The following RIMS2 variants were observed in gnomAD, a reference collection of about 807,000 sequenced individuals.
The protein encoded by RIMS2 is regulating synaptic membrane exocytosis 2.
A neutral mutation model predicts 174.4 loss-of-function variants in RIMS2; 59 were observed. The observed-to-expected ratio is 0.34, with a 90% CI of 0.27 to 0.42. The LOEUF is 0.42. RIMS2 is among the 10% of genes least tolerant of loss of function. The pLI, the probability that RIMS2 is intolerant of heterozygous loss-of-function variation, is 1.00. For missense variants in RIMS2, 1,620 were observed against 1,666.3 expected (o/e 0.97, Z 0.48); for synonymous variants, 606 against 572.5 (o/e 1.06, Z -0.84).
chr8:103,728,038 T>C (rs537556562), intron 2 of RIMS2, among the ~76,000 whole-genome samples: 1 of 152,244 alleles, frequency 6.6e-6, no homozygotes, highest in Admixed American at 6.5e-5. Context: ...GTATGGACAC[T>C]TTAACAATAC....
intron 1 of RIMS2, among the ~76,000 whole-genome samples, chr8:103,526,731 A>G (rs143138155): frequency 1.4e-3 from 215 of 152,328 alleles, no homozygotes; most frequent in African/African-American, 4.9e-3. Context: ...AATATGTGTA[A>G]TAAAGCACAG....
intron 17 of RIMS2, among the ~76,000 whole-genome samples, chr8:104,008,840 G>C (rs1565821496): frequency 6.6e-6 from 1 of 151,912 alleles, no homozygotes; most frequent in South Asian, 2.1e-4. Context: ...CTAACATAGA[G>C]TCTTTACATC....
chr8:103,879,273 T>C (rs1206005114), intron 3 of RIMS2, among the ~76,000 whole-genome samples: 1 of 151,316 alleles, frequency 6.6e-6, no homozygotes, highest in Non-Finnish European at 1.5e-5. Context: ...AGAGTGTGCA[T>C]TACAGTTGGA....
intron 4 of RIMS2, among the ~76,000 whole-genome samples, chr8:103,904,891 T>C (rs947040827): frequency 3.3e-5 from 5 of 152,056 alleles, no homozygotes; most frequent in Non-Finnish European, 7.4e-5. Context: ...TGAGCTAGAA[T>C]GTTTAAGTGT....
intron 1 of RIMS2, among the ~76,000 whole-genome samples, chr8:103,565,980 T>G (rs1315338781): frequency 6.6e-6 from 1 of 152,164 alleles, no homozygotes; most frequent in Non-Finnish European, 1.5e-5. Flanking sequence ...GTTTTTCAAA[T>G]TAAGAGGCAG....
At chr8:104,033,221 G>C (rs965266078) in intron 19 of RIMS2, among the ~76,000 whole-genome samples, 4 of 151,740 alleles carry the variant, frequency 2.6e-5, no homozygotes, top group Admixed American at 2.0e-4. Flanking sequence ...GTTCATATCA[G>C]TTTATTGGGA....
chr8:103,989,241 T>G, intron 16 of RIMS2, 64 bp from the exon 19 acceptor site: 2 of 1,011,722 alleles, frequency 2.0e-6, no homozygotes, highest in South Asian at 1.4e-5. Flanking sequence ...TGCTTTAAAA[T>G]AAACCTCGTT....
chr8:103,754,416 G>T (rs903510186), intron 2 of RIMS2, among the ~76,000 whole-genome samples: 2 of 152,162 alleles, frequency 1.3e-5, no homozygotes, highest in Non-Finnish European at 2.9e-5. Context: ...TTGATTTGGG[G>T]TGGAGACTTC....
Position 104,097,883 on chromosome 8 carries a change from A to T in RIMS2, c.3334+83268A>T, listed in dbSNP as rs796868379. On this transcript the variant is annotated intron_variant, in intron 19 of 23. Transcript: ENST00000504942. The stretch of plus-strand genomic sequence containing the variant: ...ATTACTTTTAATGCCATTAATTTTA[A>T]TGGCAGAAGCCACAACTACTTTTAC... Among the ~76,000 whole-genome samples the T allele has an allele frequency of 2.6e-5, 4 of 152,196 alleles. No individual in the cohort carries two copies. In the East Asian group the frequency reaches 7.7e-4, roughly 29 times the overall value.
chr8:103,589,672 A>T (rs2094149952), intron 1 of RIMS2, among the ~76,000 whole-genome samples: 1 of 151,630 alleles, frequency 6.6e-6, no homozygotes, highest in African/African-American at 2.4e-5. Context: ...AAGATTTGGA[A>T]GCAACCTAAG....
At chr8:103,739,938 G>A (rs561317676) in intron 2 of RIMS2, among the ~76,000 whole-genome samples, 1 of 152,168 alleles carries the variant, frequency 6.6e-6, no homozygotes, top group Admixed American at 6.6e-5. Flanking sequence ...CTTGGGGTCT[G>A]TTTCACTTTT....
At chr8:103,629,729 A>C (rs1428807890) in intron 1 of RIMS2, among the ~76,000 whole-genome samples, 1 of 152,152 alleles carries the variant, frequency 6.6e-6, no homozygotes, top group East Asian at 1.9e-4. Context: ...AAAGGCTATC[A>C]CTTTAGAAGT....
chr8:103,713,516 A>G (rs1467142694), intron 2 of RIMS2, among the ~76,000 whole-genome samples: 2 of 151,688 alleles, frequency 1.3e-5, no homozygotes, highest in Admixed American at 6.6e-5. Context: ...ATCATCTCAG[A>G]TTTCTTTCCT....
chr8:103,528,261 G>C (rs1404539760), intron 1 of RIMS2, among the ~76,000 whole-genome samples: 2 of 150,128 alleles, frequency 1.3e-5, no homozygotes, highest in Non-Finnish European at 3.0e-5. Flanking sequence ...TTGTAAATTT[G>C]TTTGAGTTCT....
intron 2 of RIMS2, among the ~76,000 whole-genome samples, chr8:103,748,664 A>G (rs1016739413): frequency 6.6e-6 from 1 of 152,132 alleles, no homozygotes; most frequent in Non-Finnish European, 1.5e-5. Flanking sequence ...TTCAATTTGT[A>G]TAAAGCATTG....
chr8:103,578,640 C>T (rs1004040508), intron 1 of RIMS2, among the ~76,000 whole-genome samples: 2 of 152,132 alleles, frequency 1.3e-5, no homozygotes, highest in African/African-American at 4.8e-5. Flanking sequence ...GGAAATCATA[C>T]ATTCCAGGAG....
intron 1 of RIMS2, among the ~76,000 whole-genome samples, chr8:103,592,377 A>G (rs1196086345): frequency 1.3e-5 from 2 of 151,214 alleles, no homozygotes; most frequent in Non-Finnish European, 3.0e-5. Flanking sequence ...GTTCATTTTC[A>G]TCTTGTAAGC....
chr8:103,664,923 A>G (rs966497871), intron 1 of RIMS2, among the ~76,000 whole-genome samples: 2 of 152,226 alleles, frequency 1.3e-5, no homozygotes, highest in African/African-American at 4.8e-5. Flanking sequence ...TGGCACATAT[A>G]CACCATGGAA....
intron 2 of RIMS2, among the ~76,000 whole-genome samples, chr8:103,711,212 A>G (rs1486661898): frequency 1.3e-5 from 2 of 152,202 alleles, no homozygotes; most frequent in African/African-American, 2.4e-5. Context: ...TATGTAGTAC[A>G]TTGGCTCAGG....
Sources: allele counts gnomAD v4.1 joint callset (sites outside exome capture counted in the v4.1 genomes callset), GRCh38; gene constraint gnomAD v4.1.1; transcripts MANE v1.5; gene names NCBI Gene and HGNC (gene_info 2026-07-23, HGNC 2026-07-21).